The following PSG7 variants were observed in gnomAD, a reference collection of about 807,000 sequenced individuals.
The protein encoded by PSG7 is pregnancy specific beta-1-glycoprotein 7, also known as pregnancy-specific beta-1-glycoprotein 7.
PSG7 carries 57 observed loss-of-function variants against 45.6 expected under a neutral mutation model. That is an observed-to-expected ratio of 1.25 (90% CI 1.01 to 1.56). PSG7 has a LOEUF of 1.56. Among genes scored for constraint, PSG7 ranks in the 40% most tolerant of loss-of-function variants. PSG7 has a pLI of 0.00. For missense variants in PSG7, 796 were observed against 508.4 expected (o/e 1.57, Z -5.44); for synonymous variants, 298 against 194.4 (o/e 1.53, Z -4.43).
Position 42,926,553 on chromosome 19 carries a change from T to C in PSG7, c.873A>G (p.Glu291=). 6.2e-7 allele frequency: 1 copy of C among 1,610,538 alleles called. No homozygotes were observed. The highest frequency in any genetic ancestry group is 8.5e-7 in the Non-Finnish European group (1 of 1,179,024). ...CACTGGGTAGAATGAGGATCCTGTT[T>C]TCAATGCGTCGCTTTACCCTGGGAC... ...PVSPRVKRRI[E]NRILILPSVT... is the part of the protein sequence containing the mutation. Residue 291 remains glutamate (E), a synonymous_variant, in exon 4 of 6, where the codon GAA becomes GAG. Transcript: ENST00000406070.
chr19:42,925,047 G>A (rs2122668132), intron 5 of PSG7: 3 of 557,756 alleles, frequency 5.4e-6, no homozygotes, highest in South Asian at 5.3e-5. Context: ...GGACTATGTA[G>A]GCTCTCTTTT....
chr19:42,936,763 T>A (rs1319868818), intron 1 of PSG7, among the ~76,000 whole-genome samples: 1 of 151,472 alleles, frequency 6.6e-6, no homozygotes, highest in Admixed American at 6.6e-5. Flanking sequence ...TTCTCCTGCC[T>A]CAGCCTCCTG....
rs1206290663 is a variant in PSG7 at position 42,924,606 on chromosome 19, C to T, written c.*202G>A. 2 of 639,958 alleles carry T rather than the reference C, an allele frequency of 3.1e-6. No homozygotes were observed. Among genetic ancestry groups the T allele is most frequent in the East Asian group, 2.7e-5 (1 of 37,476 alleles). The allele number at this position is 639,958 out of a possible 1,614,324, so 39.6% of individuals were successfully genotyped here. A position where few individuals can be genotyped will look rare whatever the true frequency, so the allele number is the denominator to read the frequency against. ...CAGTGTGAAGTCATCAACTTGTTTT[C>T]CTTGTTTACAGTTTGAGCAGCTGTT... is the stretch of plus-strand genomic sequence containing the variant. On this transcript the variant is annotated 3_prime_UTR_variant, in exon 6 of 6. Transcript: ENST00000406070.
Position 42,937,077 on chromosome 19 carries a change from G to T in PSG7, c.-1C>A, listed in dbSNP as rs759470913. The T allele has an allele frequency of 3.1e-6, 5 of 1,611,036 alleles. No homozygotes were observed. The highest frequency in any genetic ancestry group is 4.5e-5 in the East Asian group (2 of 44,728). On this transcript the variant is annotated 5_prime_UTR_variant, in exon 1 of 6. Coordinates refer to ENST00000406070, the MANE Select transcript of PSG7 (RefSeq NM_002783.3). ...AGGGAGGGGCTGAGAGGGGCCCCATGGTCTCTGCTCCCTGCGTGTTCTCCT... is the reference window on the plus strand; with the variant it reads ...AGGGAGGGGCTGAGAGGGGCCCCATTGTCTCTGCTCCCTGCGTGTTCTCCT...
At chr19:42,930,130 G>T (rs952555917) in intron 2 of PSG7, among the ~76,000 whole-genome samples, 3 of 151,594 alleles carry the variant, frequency 2.0e-5, no homozygotes, top group Non-Finnish European at 2.9e-5. Context: ...TTTCTCTTCA[G>T]CTTCCCTTTC....
At chr19:42,936,742 G>C (rs1973160076) in intron 1 of PSG7, among the ~76,000 whole-genome samples, 1 of 151,136 alleles carries the variant, frequency 6.6e-6, no homozygotes, top group Non-Finnish European at 1.5e-5. Context: ...CTGCCTCCCG[G>C]GTTCATGTGA....
intron 3 of PSG7, chr19:42,927,599 G>A (rs1972925200): frequency 6.6e-6 from 1 of 151,660 alleles, no homozygotes; most frequent in Non-Finnish European, 1.5e-5. Context: ...CATGGACCAT[G>A]TGTGTTTGAT....
chr19:42,932,214 G>T lies in PSG7; in HGVS notation c.431-2494C>A, dbSNP rs1410717717. Among the ~76,000 whole-genome samples, 5 of 151,162 alleles carry T rather than the reference G, an allele frequency of 3.3e-5. 1 individual carries two copies. The highest frequency in any genetic ancestry group is 1.2e-4 in the African/African-American group (5 of 41,024). ...AATTTTTTGTATTTTTAGTAGAGAC[G>T]GGGTTTCACCATGTTAGCCAGGATG... On this transcript the variant is annotated intron_variant, in intron 2 of 5. Coordinates refer to ENST00000406070, the MANE Select transcript of PSG7 (RefSeq NM_002783.3).
intron 3 of PSG7, chr19:42,926,918 G>T: frequency 6.7e-6 from 7 of 1,048,838 alleles, no homozygotes; most frequent in Non-Finnish European, 9.4e-6. Context: ...TCTTAGGGAA[G>T]CATAGACTTT....
At chr19:42,936,499 A>G (rs1427894357) in intron 1 of PSG7, 1 of 159,218 alleles carries the variant, frequency 6.3e-6, no homozygotes, top group Non-Finnish European at 1.4e-5. Flanking sequence ...GTGACCCCTG[A>G]GGATTAATCA....
intron 3 of PSG7, chr19:42,927,223 A>G (rs965112277): frequency 5.3e-5 from 9 of 168,534 alleles, no homozygotes; most frequent in South Asian, 3.0e-4. Context: ...CTGGGACTGG[A>G]TGTTTCAGCA....
chr19:42,924,260 C>A lies in PSG7; in HGVS notation c.*548G>T, dbSNP rs184285374. The A allele has an allele frequency of 1.0e-4, 27 of 262,988 alleles. 1 individual carries two copies. In the South Asian group the frequency reaches 1.6e-3, roughly 15 times the overall value. The allele number at this position is 262,988 out of a possible 1,614,324, so 16.3% of individuals were successfully genotyped here. ...TTTAAAGGGGAGTCTACTATAATTT[C>A]AGCTTTCCTACTCTTTATAGAAACC... is the stretch of plus-strand genomic sequence containing the variant. On this transcript the variant is annotated 3_prime_UTR_variant, in exon 6 of 6. Transcript: ENST00000406070.
At position 42,926,888 on chromosome 19, in the gene PSG7, CTG is replaced by C. The variant is rs574211877; in HGVS notation, c.710-174_710-173del. 45 of 1,267,182 alleles carry C rather than the reference CTG, an allele frequency of 3.6e-5. 3 individuals carry two copies. The East Asian group carries it at 1.0e-3, about 29-fold the overall frequency. 78.5% of individuals were successfully genotyped at this position (1,267,182 alleles called of 1,614,324 possible). Reference sequence around the variant, plus strand: ...GCATGATGATCTAAGGGCTCAAAGACTGTGAGGCCACCTGCTCAGTCTTAGGG... The same window carrying C: ...GCATGATGATCTAAGGGCTCAAAGACTGAGGCCACCTGCTCAGTCTTAGGG... On this transcript the variant is annotated intron_variant, in intron 3 of 5. Transcript: ENST00000406070.
At chr19:42,932,002 A>G (rs1973031009) in intron 2 of PSG7, among the ~76,000 whole-genome samples, 1 of 151,436 alleles carries the variant, frequency 6.6e-6, no homozygotes, top group African/African-American at 2.4e-5. Context: ...AGTAAGCATC[A>G]AAAGCATTCT....
Position 42,924,636 on chromosome 19 carries a change from T to C in PSG7, c.*172A>G. On this transcript the variant is annotated 3_prime_UTR_variant, in exon 6 of 6. Coordinates refer to ENST00000406070, the MANE Select transcript of PSG7 (RefSeq NM_002783.3). ...TTTACAGTTTGAGCAGCTGTTGTTA[T>C]GGTGTTGAACATTTTGGTGAGTTCT... The C allele has an allele frequency of 7.2e-6, 5 of 695,894 alleles. 1 individual carries two copies. Among genetic ancestry groups the C allele is most frequent in the Non-Finnish European group, 7.8e-6 (3 of 385,324 alleles). The allele number at this position is 695,894 out of a possible 1,614,324, so 43.1% of individuals were successfully genotyped here.
At chr19:42,931,095 C>G (rs1006227813) in intron 2 of PSG7, among the ~76,000 whole-genome samples, 1 of 151,372 alleles carries the variant, frequency 6.6e-6, no homozygotes, top group Non-Finnish European at 1.5e-5. Context: ...ATGCTCAATT[C>G]GTAATACTGT....
intron 3 of PSG7, among the ~76,000 whole-genome samples, chr19:42,928,119 G>A (rs536750539): frequency 2.6e-5 from 4 of 151,292 alleles, no homozygotes; most frequent in Admixed American, 6.6e-5. Flanking sequence ...ATTAGTTTTC[G>A]GTGAATTCCA....
rs889703008 is a variant in PSG7 at position 42,927,851 on chromosome 19, G to A, written c.710-1135C>T. Among the ~76,000 whole-genome samples the A allele has an allele frequency of 5.3e-5, 8 of 151,570 alleles. No individual in the cohort carries two copies. The South Asian group carries it at 6.3e-4, about 12-fold the overall frequency. ...CTAGAGATCTGCTGTAGAGCTTGATGCCTATAGTTCACAAAGATGGAGTAT... is the reference window on the plus strand; with the variant it reads ...CTAGAGATCTGCTGTAGAGCTTGATACCTATAGTTCACAAAGATGGAGTAT... On this transcript the variant is annotated intron_variant, in intron 3 of 5. Transcript: ENST00000406070.
rs371355610 is a variant in PSG7 at position 42,931,881 on chromosome 19, G to A, written c.431-2161C>T. Among the ~76,000 whole-genome samples, 3 of 146,276 alleles carry A rather than the reference G, an allele frequency of 2.1e-5. No individual in the cohort carries two copies. The East Asian group carries it at 5.8e-4, about 28-fold the overall frequency. Reference sequence around the variant, plus strand: ...ATACTAAATATGAAGTTGAAATGTTGTTCCACTTTTTTTCCCCCACTCTTT... The same window carrying A: ...ATACTAAATATGAAGTTGAAATGTTATTCCACTTTTTTTCCCCCACTCTTT... On this transcript the variant is annotated intron_variant, in intron 2 of 5. Coordinates refer to ENST00000406070, the MANE Select transcript of PSG7 (RefSeq NM_002783.3).
Sources: gnomAD v4.1 joint callset for allele counts (sites outside exome capture counted in the v4.1 genomes callset) on GRCh38, gnomAD v4.1.1 for gene constraint, MANE v1.5 for transcripts, NCBI Gene and HGNC (gene_info 2026-07-23, HGNC 2026-07-21) for gene names.